LDB2: variants seen among roughly 807,000 people sequenced by gnomAD.
LDB2 encodes the protein LIM domain-binding protein 2.
In LDB2, 12 loss-of-function variants were observed where a neutral mutation model predicts 44.3. That is an observed-to-expected ratio of 0.27 (90% CI 0.17 to 0.44). The LOEUF (loss-of-function observed/expected upper bound fraction) is 0.44, where lower values mean the gene tolerates loss of function less well. LDB2 is among the 20% of genes least tolerant of loss of function. The pLI is 1.00. For synonymous variants in LDB2, 164 were observed against 174.8 expected, an observed-to-expected ratio of 0.94 and a Z score of 0.49; for missense variants, 344 against 473.5, an observed-to-expected ratio of 0.73 and a Z score of 2.54.
intron 1 of LDB2, among the ~76,000 whole-genome samples, chr4:16,817,758 G>A (rs746209559): frequency 2.0e-5 from 3 of 152,138 alleles, no homozygotes; most frequent in Non-Finnish European, 4.4e-5. Context: ...CTTTAAAGAT[G>A]AGGAAGCTGA....
At chr4:16,779,145 C>A (rs558646399) in intron 1 of LDB2, among the ~76,000 whole-genome samples, 15 of 152,254 alleles carry the variant, frequency 9.9e-5, no homozygotes, top group Middle Eastern at 3.4e-3. Context: ...TGGAGGGGAG[C>A]CTCCGCAGAA....
intron 5 of LDB2, among the ~76,000 whole-genome samples, chr4:16,561,049 G>A (rs1462009551): frequency 1.3e-5 from 2 of 152,094 alleles, no homozygotes; most frequent in African/African-American, 4.8e-5. Flanking sequence ...AATAACTTAG[G>A]TATTGATGGG....
intron 2 of LDB2, among the ~76,000 whole-genome samples, chr4:16,631,529 A>G (rs1028582778): frequency 1.3e-5 from 2 of 152,218 alleles, no homozygotes; most frequent in African/African-American, 4.8e-5. Flanking sequence ...AAAGAACCAG[A>G]GAAGCAAGAG....
intron 2 of LDB2, among the ~76,000 whole-genome samples, chr4:16,757,416 T>G (rs367582598): frequency 4.9e-4 from 74 of 152,290 alleles, no homozygotes; most frequent in African/African-American, 1.7e-3. Context: ...CTCCTGTTCA[T>G]GGAGATAAGA....
intron 2 of LDB2, among the ~76,000 whole-genome samples, chr4:16,609,806 G>C (rs1204232733): frequency 6.6e-6 from 1 of 152,142 alleles, no homozygotes; most frequent in East Asian, 1.9e-4. Flanking sequence ...GGATAGCACA[G>C]ATGAGAGGGT....
At chr4:16,563,567 G>C (rs1743331542) in intron 5 of LDB2, among the ~76,000 whole-genome samples, 1 of 146,400 alleles carries the variant, frequency 6.8e-6, no homozygotes, top group East Asian at 2.0e-4. Flanking sequence ...TCCTGCCTCA[G>C]CCTCCCGAGT....
At chr4:16,530,594 C>T (rs1378960292) in intron 5 of LDB2, among the ~76,000 whole-genome samples, 1 of 152,206 alleles carries the variant, frequency 6.6e-6, no homozygotes, top group Non-Finnish European at 1.5e-5. Context: ...AATACATATT[C>T]CTTTCTTCTG....
intron 5 of LDB2, among the ~76,000 whole-genome samples, chr4:16,562,510 A>T (rs900857908): frequency 3.3e-5 from 5 of 152,234 alleles, no homozygotes; most frequent in African/African-American, 1.2e-4. Context: ...TCAAAACCAC[A>T]ATGAGATACC....
chr4:16,821,381 T>A lies in LDB2; in HGVS notation c.133-62121A>T, dbSNP rs559402781. ...CGTCTACATGGAATATTTGAATTTT[T>A]TTTTTATTTTTTTTTTTTTGGAGAC... On this transcript the variant is annotated intron_variant, in intron 1 of 7. Transcript: ENST00000304523. 8.3e-3 allele frequency among the ~76,000 whole-genome samples: 201 copies of A among 24,210 alleles called. 2 individuals are homozygous for A. Among genetic ancestry groups the A allele is most frequent in the African/African-American group, 0.015 (197 of 13,084 alleles). 15.9% of individuals were successfully genotyped at this position (24,210 alleles called of 152,430 possible). A position where few individuals can be genotyped will look rare whatever the true frequency, so the allele number is the denominator to read the frequency against.
chr4:16,811,160 G>C (rs1449877050), intron 1 of LDB2, among the ~76,000 whole-genome samples: 2 of 152,194 alleles, frequency 1.3e-5, no homozygotes, highest in East Asian at 1.9e-4. Context: ...TTGTTAAAAG[G>C]ATTAAGTGAA....
chr4:16,679,133 T>C (rs1747128589), intron 2 of LDB2, among the ~76,000 whole-genome samples: 1 of 152,254 alleles, frequency 6.6e-6, no homozygotes, highest in Non-Finnish European at 1.5e-5. Context: ...GTAATCTTTT[T>C]AGTCTTCAGT....
At chr4:16,599,804 G>A (rs1722064128) in intron 2 of LDB2, among the ~76,000 whole-genome samples, 1 of 152,126 alleles carries the variant, frequency 6.6e-6, no homozygotes, top group African/African-American at 2.4e-5. Flanking sequence ...CCTGGAGTAG[G>A]TATAAAGCTC....
intron 5 of LDB2, among the ~76,000 whole-genome samples, chr4:16,574,182 G>T (rs566937559): frequency 2.9e-4 from 44 of 152,100 alleles, no homozygotes; most frequent in Non-Finnish European, 5.9e-4. Flanking sequence ...GAAATTAAAG[G>T]CACAGGATCA....
At chr4:16,577,472 A>G (rs1364908934) in intron 5 of LDB2, among the ~76,000 whole-genome samples, 1 of 152,242 alleles carries the variant, frequency 6.6e-6, no homozygotes, top group African/African-American at 2.4e-5. Flanking sequence ...AATCCCAATT[A>G]CAATAGCTAC....
chr4:16,727,320 C>T (rs1328345441), intron 2 of LDB2, among the ~76,000 whole-genome samples: 1 of 152,134 alleles, frequency 6.6e-6, no homozygotes, highest in East Asian at 1.9e-4. Context: ...CAGCAATTTC[C>T]AAACGAAAAG....
At chr4:16,774,805 T>C (rs902830393) in intron 1 of LDB2, among the ~76,000 whole-genome samples, 1 of 152,118 alleles carries the variant, frequency 6.6e-6, no homozygotes, top group African/African-American at 2.4e-5. Context: ...TGTGGGAAAA[T>C]ACCTAGTAAT....
chr4:16,772,047 C>A (rs1770826056), intron 1 of LDB2, among the ~76,000 whole-genome samples: 1 of 152,148 alleles, frequency 6.6e-6, no homozygotes, highest in Non-Finnish European at 1.5e-5. Context: ...CCTTGGGGAC[C>A]TTCCTTCGGG....
chr4:16,567,903 A>T (rs10516303), intron 5 of LDB2, among the ~76,000 whole-genome samples: 1 of 152,124 alleles, frequency 6.6e-6, no homozygotes, highest in Non-Finnish European at 1.5e-5. Context: ...AATGGCTTGC[A>T]GTGTTTGGCA....
intron 1 of LDB2, 67 bp downstream of exon 1, chr4:16,898,287 C>T (rs995972924): frequency 4.0e-6 from 6 of 1,494,062 alleles, no homozygotes; most frequent in Non-Finnish European, 5.5e-6. Flanking sequence ...AGCCAGAAAC[C>T]CTAGGAAAAG....
Sources: gnomAD v4.1 joint callset for allele counts (sites outside exome capture counted in the v4.1 genomes callset) on GRCh38, gnomAD v4.1.1 for gene constraint, MANE v1.5 for transcripts, NCBI Gene and HGNC (gene_info 2026-07-23, HGNC 2026-07-21) for gene names.